Variants in MSRA observed in about 807,000 individuals in gnomAD.
MSRA encodes the protein mitochondrial peptide methionine sulfoxide reductase.
MSRA carries 54 observed loss-of-function variants against 31.3 expected under a neutral mutation model. That is an observed-to-expected ratio of 1.73 (90% CI 1.39 to 2.17). The LOEUF (loss-of-function observed/expected upper bound fraction) is 2.17, where lower values mean the gene tolerates loss of function less well. Ranked by LOEUF, MSRA falls within the 30% of genes most tolerant of loss-of-function variation. The pLI, the probability that MSRA is intolerant of heterozygous loss-of-function variation, is 0.00. For missense variants in MSRA, 507 were observed against 300.9 expected (o/e 1.69, Z -5.07); for synonymous variants, 169 against 116.5 (o/e 1.45, Z -2.90).
chr8:10,308,139 G>T (rs907229648), intron 4 of MSRA, among the ~76,000 whole-genome samples: 3 of 152,132 alleles, frequency 2.0e-5, no homozygotes, highest in African/African-American at 7.2e-5. Flanking sequence ...GGATCTTTAG[G>T]CAAGAACTCT....
At chr8:10,387,197 C>T (rs928220848) in intron 5 of MSRA, among the ~76,000 whole-genome samples, 8 of 152,188 alleles carry the variant, frequency 5.3e-5, no homozygotes, top group African/African-American at 1.9e-4. Context: ...GAGATTTAAC[C>T]TCTCTCCACC....
intron 1 of MSRA, among the ~76,000 whole-genome samples, chr8:10,082,599 G>C (rs1342624701): frequency 3.9e-5 from 6 of 152,180 alleles, no homozygotes; most frequent in Non-Finnish European, 8.8e-5. Context: ...CTCAAGCAAA[G>C]ATGGGACTTT....
intron 1 of MSRA, among the ~76,000 whole-genome samples, chr8:10,097,794 C>G (rs976481221): frequency 6.6e-6 from 1 of 152,066 alleles, no homozygotes; most frequent in Non-Finnish European, 1.5e-5. Flanking sequence ...AATTAAAAAA[C>G]AAATATGTCA....
At chr8:10,103,033 A>T (rs963841670) in intron 1 of MSRA, among the ~76,000 whole-genome samples, 2 of 152,216 alleles carry the variant, frequency 1.3e-5, no homozygotes, top group Admixed American at 1.3e-4. Context: ...CTACCCAGAG[A>T]TTAGTATGTG....
chr8:10,394,757 G>C (rs1806988838), intron 5 of MSRA, among the ~76,000 whole-genome samples: 1 of 152,238 alleles, frequency 6.6e-6, no homozygotes, highest in South Asian at 2.1e-4. Context: ...TGAACACTTT[G>C]GTTAGCAAGA....
intron 1 of MSRA, among the ~76,000 whole-genome samples, chr8:10,149,269 C>A (rs1046673394): frequency 2.0e-5 from 3 of 152,072 alleles, no homozygotes; most frequent in South Asian, 2.1e-4. Context: ...TTACAGGTGC[C>A]CACCACCATG....
At chr8:10,273,832 A>C (rs569923506) in intron 3 of MSRA, among the ~76,000 whole-genome samples, 1 of 152,228 alleles carries the variant, frequency 6.6e-6, no homozygotes, top group Non-Finnish European at 1.5e-5. Context: ...TGAGAAAGAG[A>C]ATTGGAGGCT....
intron 1 of MSRA, among the ~76,000 whole-genome samples, chr8:10,200,705 G>A (rs1347693790): frequency 6.6e-6 from 1 of 152,128 alleles, no homozygotes; most frequent in African/African-American, 2.4e-5. Flanking sequence ...TGCTGCTATT[G>A]GGGGCAAAAC....
chr8:10,146,077 T>G (rs1803115299), intron 1 of MSRA, among the ~76,000 whole-genome samples: 2 of 152,174 alleles, frequency 1.3e-5, no homozygotes, highest in South Asian at 4.1e-4. Flanking sequence ...CACTGCAGAT[T>G]CAGAGCTGAG....
At chr8:10,195,984 G>A (rs1807937771) in intron 1 of MSRA, among the ~76,000 whole-genome samples, 1 of 152,196 alleles carries the variant, frequency 6.6e-6, no homozygotes, top group African/African-American at 2.4e-5. Flanking sequence ...AGATTGGAAG[G>A]GGAGGTGTGG....
At chr8:10,083,422 C>G (rs1343089281) in intron 1 of MSRA, among the ~76,000 whole-genome samples, 1 of 152,170 alleles carries the variant, frequency 6.6e-6, no homozygotes, top group Non-Finnish European at 1.5e-5. Flanking sequence ...TTTAATCCAT[C>G]TGATTTTGAT....
intron 5 of MSRA, among the ~76,000 whole-genome samples, chr8:10,369,439 T>G (rs778420269): frequency 9.2e-5 from 14 of 152,162 alleles, no homozygotes; most frequent in Non-Finnish European, 1.6e-4. Flanking sequence ...GGAAATATAA[T>G]TAGAGCAAAC....
At chr8:10,398,958 A>C (rs905255168) in intron 5 of MSRA, among the ~76,000 whole-genome samples, 1 of 152,100 alleles carries the variant, frequency 6.6e-6, no homozygotes, top group Non-Finnish European at 1.5e-5. Context: ...TGCAGCTTCC[A>C]CTTGAGTGGA....
chr8:10,316,527 C>CCCTCTCTCTCTCTCT (rs1171484461), intron 4 of MSRA, among the ~76,000 whole-genome samples: 1 of 112,548 alleles, frequency 8.9e-6, no homozygotes, highest in African/African-American at 3.1e-5. Flanking sequence ...TTTGATGATC[C>CCCTCTCTCTCTCTCT]CTCTCTCTCT....
At chr8:10,072,521 C>T (rs1370813776) in intron 1 of MSRA, among the ~76,000 whole-genome samples, 1 of 152,098 alleles carries the variant, frequency 6.6e-6, no homozygotes, top group East Asian at 1.9e-4. Flanking sequence ...ATATCGCAGG[C>T]CTTAATATTA....
intron 1 of MSRA, among the ~76,000 whole-genome samples, chr8:10,152,580 A>G (rs1803791860): frequency 6.6e-6 from 1 of 152,236 alleles, no homozygotes; most frequent in Admixed American, 6.5e-5. Flanking sequence ...TCAGTGAAAC[A>G]AATATTTCTC....
intron 1 of MSRA, among the ~76,000 whole-genome samples, chr8:10,191,699 G>C (rs1371910310): frequency 6.6e-6 from 1 of 151,514 alleles, no homozygotes; most frequent in Non-Finnish European, 1.5e-5. Flanking sequence ...GGGTCGATTT[G>C]TAAATCAGTT....
intron 1 of MSRA, among the ~76,000 whole-genome samples, chr8:10,136,286 C>G (rs1379312600): frequency 6.6e-5 from 10 of 152,214 alleles, no homozygotes; most frequent in Admixed American, 3.9e-4. Flanking sequence ...TCTATCTCAA[C>G]TAGCTTCTGC....
chr8:10,054,919 CACTT>C (rs1177000214), intron 1 of MSRA, among the ~76,000 whole-genome samples: 11 of 152,336 alleles, frequency 7.2e-5, no homozygotes, highest in South Asian at 2.1e-4. Flanking sequence ...GCATCGGTCT[CACTT>C]ACCCGGAGTG....
Sources: allele counts gnomAD v4.1 joint callset (sites outside exome capture counted in the v4.1 genomes callset), GRCh38; gene constraint gnomAD v4.1.1; transcripts MANE v1.5; gene names NCBI Gene and HGNC (gene_info 2026-07-23, HGNC 2026-07-21).